MYT1L: variants seen among roughly 807,000 people sequenced by gnomAD.
MYT1L encodes the protein myelin transcription factor 1-like protein.
In MYT1L, 12 loss-of-function variants were observed where a neutral mutation model predicts 126.7. The ratio of observed to expected loss-of-function variants is 0.09; its 90% CI spans 0.06 to 0.15. MYT1L has a LOEUF of 0.15. Ranked by LOEUF, MYT1L falls within the 10% of genes least tolerant of loss-of-function variation. The pLI is 1.00. For synonymous variants in MYT1L, 541 were observed against 604.2 expected, an observed-to-expected ratio of 0.90 and a Z score of 1.53; for missense variants, 979 against 1,585.2, an observed-to-expected ratio of 0.62 and a Z score of 6.49.
At chr2:1,888,172 A>G (rs1284283990) in intron 16 of MYT1L, among the ~76,000 whole-genome samples, 4 of 152,212 alleles carry the variant, frequency 2.6e-5, no homozygotes, top group Non-Finnish European at 5.9e-5. Flanking sequence ...CTCAGCAGAC[A>G]CTTTCCTAAG....
At chr2:1,905,912 G>T (rs2148982126) in intron 13 of MYT1L, among the ~76,000 whole-genome samples, 1 of 152,304 alleles carries the variant, frequency 6.6e-6, no homozygotes, top group African/African-American at 2.4e-5. Flanking sequence ...TTTTCCACAA[G>T]TATTCTTGTG....
chr2:2,168,308 C>T (rs1467953603), intron 3 of MYT1L, among the ~76,000 whole-genome samples: 1 of 152,158 alleles, frequency 6.6e-6, no homozygotes, highest in African/African-American at 2.4e-5. Flanking sequence ...ACTACGTGTG[C>T]ATGCTAGGAA....
Position 1,887,267 on chromosome 2 carries a change from C to T in MYT1L, c.2642+221G>A, listed in dbSNP as rs900270010. The T allele has an allele frequency of 9.8e-6, 5 of 507,812 alleles. No homozygotes were observed. In the South Asian group the frequency reaches 1.3e-4, roughly 13 times the overall value. The allele number at this position is 507,812 out of a possible 1,614,324, so 31.5% of individuals were successfully genotyped here. On this transcript the variant is annotated intron_variant, in intron 17 of 24. Transcript: ENST00000647738. The surrounding 1 kb of genome is among the most constrained non-coding windows in gnomAD (Gnocchi z 4.8). ...CCCTGAAGAAAAGCGGCAAAATGCA[C>T]GGGTTAAATGAAAATGACGCCCCCA...
chr2:2,114,109 C>T (rs1293611910), intron 3 of MYT1L, among the ~76,000 whole-genome samples: 2 of 152,230 alleles, frequency 1.3e-5, no homozygotes, highest in Non-Finnish European at 1.5e-5. Context: ...TTTTATGTGT[C>T]AGATCCCAGC....
intron 5 of MYT1L, among the ~76,000 whole-genome samples, chr2:1,980,616 T>C (rs6548050): frequency 0.21 from 31,352 of 151,992 alleles, 3,466 homozygotes; most frequent in East Asian, 0.31. Context: ...CACAACAATT[T>C]TGTAAGGAAA....
intron 4 of MYT1L, among the ~76,000 whole-genome samples, chr2:2,010,857 TA>T (rs2063755120): frequency 1.3e-5 from 2 of 152,150 alleles, no homozygotes; most frequent in Admixed American, 6.5e-5. Context: ...TACCAAGAAG[TA>T]ACTCACGCGT....
At chr2:2,073,750 C>T (rs1398814957) in intron 3 of MYT1L, among the ~76,000 whole-genome samples, 1 of 152,168 alleles carries the variant, frequency 6.6e-6, no homozygotes, top group African/African-American at 2.4e-5. Flanking sequence ...TTCATGTCCA[C>T]GTTTGACTTC....
intron 2 of MYT1L, among the ~76,000 whole-genome samples, chr2:2,184,009 GAA>G (rs1356501842): frequency 2.0e-5 from 3 of 149,682 alleles, no homozygotes; most frequent in South Asian, 2.1e-4. Context: ...GGGAGAAAGA[GAA>G]AGAGAGAAAG....
intron 3 of MYT1L, among the ~76,000 whole-genome samples, chr2:2,140,625 G>A (rs993718289): frequency 4.0e-5 from 6 of 151,778 alleles, no homozygotes; most frequent in East Asian, 1.9e-4. Context: ...TAGTAGAGAC[G>A]GGGTTTCACC....
intron 12 of MYT1L, 45 bp downstream of exon 12, chr2:1,911,975 G>T (rs1291757516): frequency 2.1e-6 from 3 of 1,445,544 alleles, no homozygotes; most frequent in Non-Finnish European, 2.8e-6. Context: ...GGCATGGAGA[G>T]CAGCCGGTGC....
intron 3 of MYT1L, among the ~76,000 whole-genome samples, chr2:2,058,243 C>T (rs1178599988): frequency 6.6e-6 from 1 of 152,184 alleles, no homozygotes; most frequent in African/African-American, 2.4e-5. Flanking sequence ...GAACTATCTG[C>T]CCATGTCTTT....
Position 2,169,353 on chromosome 2 carries a change from T to C in MYT1L, c.-304+3519A>G, listed in dbSNP as rs1447150842. Among the ~76,000 whole-genome samples the C allele has an allele frequency of 2.0e-5, 3 of 152,182 alleles. No homozygotes were observed. In the East Asian group the frequency reaches 5.8e-4, roughly 29 times the overall value. ...TGTAATAATGTATTACCATGTACAA[T>C]ACTACCTTAAAGATACACAGATTCT... is the stretch of plus-strand genomic sequence containing the variant. On this transcript the variant is annotated intron_variant, in intron 3 of 24. Coordinates refer to ENST00000647738, the MANE Select transcript of MYT1L (RefSeq NM_001303052.2).
chr2:2,124,790 G>A (rs1257640034), intron 3 of MYT1L, among the ~76,000 whole-genome samples: 1 of 152,138 alleles, frequency 6.6e-6, no homozygotes, highest in African/African-American at 2.4e-5. Context: ...GGCTGAAGTT[G>A]TTTGAAGTAT....
intron 8 of MYT1L, among the ~76,000 whole-genome samples, chr2:1,952,740 CT>C (rs1193713126): frequency 1.0e-4 from 6 of 59,280 alleles, no homozygotes; most frequent in South Asian, 9.8e-4. Context: ...TCCCTCCTTC[CT>C]TCCCTTCCCT....
intron 2 of MYT1L, among the ~76,000 whole-genome samples, chr2:2,187,956 CTT>C (rs985424100): frequency 1.2e-4 from 18 of 152,230 alleles, no homozygotes; most frequent in African/African-American, 3.4e-4. Context: ...TTTATATTCT[CTT>C]ATATTAAATA....
intron 4 of MYT1L, among the ~76,000 whole-genome samples, chr2:2,001,242 TTTTTTTTTTTGC>T (rs1340921936): frequency 3.3e-5 from 5 of 150,468 alleles, no homozygotes; most frequent in Non-Finnish European, 7.4e-5. Flanking sequence ...TTTAGCTTTT[TTTTTTTTTTTGC>T]TTTTTTTTTT....
chr2:1,866,061 G>A (rs769774166), intron 18 of MYT1L, among the ~76,000 whole-genome samples: 7 of 152,146 alleles, frequency 4.6e-5, no homozygotes, highest in Admixed American at 1.3e-4. Flanking sequence ...CAGCAGGGGC[G>A]GACTGAAAGG....
At chr2:2,263,138 T>A (rs1253126361) in intron 2 of MYT1L, among the ~76,000 whole-genome samples, 1 of 151,672 alleles carries the variant, frequency 6.6e-6, no homozygotes, top group Non-Finnish European at 1.5e-5. Flanking sequence ...TAGTCATATT[T>A]AATTCTTCCC....
chr2:1,884,116 T>C (rs560995932), intron 18 of MYT1L: 2 of 152,312 alleles, frequency 1.3e-5, no homozygotes, highest in African/African-American at 2.4e-5. Flanking sequence ...ATATCACAAT[T>C]CAGTGTTGGA....
Sources: allele counts gnomAD v4.1 joint callset (sites outside exome capture counted in the v4.1 genomes callset), GRCh38; gene constraint gnomAD v4.1.1; non-coding constraint Gnocchi (gnomAD v3.1); transcripts MANE v1.5; gene names NCBI Gene and HGNC (gene_info 2026-07-23, HGNC 2026-07-21).